NDUFS3: variants seen among roughly 807,000 people sequenced by gnomAD.
NDUFS3 encodes NADH dehydrogenase [ubiquinone] iron-sulfur protein 3, mitochondrial.
NDUFS3 carries 19 observed loss-of-function variants against 30.8 expected under a neutral mutation model. That is an observed-to-expected ratio of 0.62 (90% CI 0.43 to 0.91). The LOEUF (loss-of-function observed/expected upper bound fraction) is 0.91, where lower values mean the gene tolerates loss of function less well. NDUFS3 is among the 40% of genes least tolerant of loss of function. The probability of loss-of-function intolerance (pLI) is 0.00; values close to 1 mark genes in which losing one functional copy is unlikely to be tolerated. For synonymous variants in NDUFS3, 153 were observed against 135.8 expected (o/e 1.13, Z -0.88); for missense variants, 331 against 342.0 (o/e 0.97, Z 0.25).
rs1358840350 is a variant in NDUFS3, at chr11:47,584,559, C to T, written c.*78C>T. On this transcript the variant is annotated 3_prime_UTR_variant, in exon 7 of 7. Coordinates refer to ENST00000263774, the MANE Select transcript of NDUFS3 (RefSeq NM_004551.3). ...CCGTGTAAATAAATTCCTACTTAGA[C>T]TTACCACTTTGTGTGTGCTTGTAAT... The T allele has an allele frequency of 3.8e-6, 6 of 1,561,378 alleles. No homozygotes were observed. The East Asian group carries it at 6.7e-5, about 17-fold the overall frequency.
At position 47,579,270 on chromosome 11, in the gene NDUFS3, G is replaced by C; in HGVS notation, c.69G>C (p.Gly23=). ...TGTGCCTTTTATCTCCCTGTGCAGG[G>C]ACTGGGCGACCCTCCGTTCTGTTGC... ...GILGASALTR[G]TGRPSVLLLP... Residue 23 remains glycine (G), a splice_region_variant and synonymous_variant, in exon 2 of 7, where the codon GGG becomes GGC. Coordinates refer to ENST00000263774, the MANE Select transcript of NDUFS3 (RefSeq NM_004551.3). 8 of 1,614,196 alleles carry C rather than the reference G, an allele frequency of 5.0e-6. No individual in the cohort carries two copies. Among genetic ancestry groups the C allele is most frequent in the Non-Finnish European group, 6.8e-6 (8 of 1,180,034 alleles).
intron 6 of NDUFS3, among the ~76,000 whole-genome samples, chr11:47,583,274 T>G (rs2097269639): frequency 6.6e-6 from 1 of 152,080 alleles, no homozygotes; most frequent in Non-Finnish European, 1.5e-5. Flanking sequence ...TGGTCTCGAA[T>G]TCCTGGGCTC....
chr11:47,584,463 G>A lies in NDUFS3; in HGVS notation c.777G>A (p.Lys259=). The change falls in exon 7 of 7, where the codon AAG becomes AAA. Residue 259 remains lysine (K), a synonymous_variant. Transcript: ENST00000263774. ...PESLKLEAGD[K]KPDAK is the part of the protein sequence containing the mutation. ...GTCTCAAGCTTGAAGCCGGAGACAA[G>A]AAGCCTGATGCCAAGTAGCTCCAGG... 6.2e-7 allele frequency: 1 copy of A among 1,614,146 alleles called. No individual in the cohort carries two copies. Among genetic ancestry groups the A allele is most frequent in the Non-Finnish European group, 8.5e-7 (1 of 1,180,030 alleles).
rs552272856 is a variant in NDUFS3 at position 47,582,562 on chromosome 11, T to C, written c.627+94T>C. On this transcript the variant is annotated intron_variant, in intron 6 of 6. Coordinates refer to ENST00000263774, the MANE Select transcript of NDUFS3 (RefSeq NM_004551.3). The stretch of plus-strand genomic sequence containing the variant: ...AATGGCAAGAAATACGGTCTGTGGA[T>C]TGTGGTGGTTTAAGAGCATGGGCCC... 75 of 1,592,574 alleles carry C rather than the reference T, an allele frequency of 4.7e-5. No individual in the cohort carries two copies. The Middle Eastern group carries it at 6.4e-4, about 14-fold the overall frequency.
chr11:47,582,410 A>G lies in NDUFS3; in HGVS notation c.569A>G (p.Asp190Gly), dbSNP rs2097269208. 6.2e-7 allele frequency: 1 copy of G among 1,614,070 alleles called. No homozygotes were observed. The highest frequency in any genetic ancestry group is 1.3e-5 in the African/African-American group (1 of 74,932). The change falls in exon 6 of 7, where the codon GAT (aspartate) becomes GGT (glycine). Residue 190 changes from aspartate (D) to glycine (G), a missense_variant. Transcript: ENST00000263774. ...CCTGATCTAAGAAGGATCCTGACAG[A>G]TTATGGCTTCGAGGGACATCCTTTC... ...NHPDLRRILT[D>G]YGFEGHPFRK...
rs1245746547 is a variant in NDUFS3, at chr11:47,582,384, C to G, written c.543C>G (p.His181Gln). 11 of 1,614,172 alleles carry G rather than the reference C, an allele frequency of 6.8e-6. No homozygotes were observed. The highest frequency in any genetic ancestry group is 9.3e-6 in the Non-Finnish European group (11 of 1,180,032). The change falls in exon 6 of 7, where the codon CAC (histidine) becomes CAG (glutamine). Residue 181 changes from histidine to glutamine, a missense_variant. By Grantham distance (24) the His-to-Gln change is conservative (BLOSUM62 0). Coordinates refer to ENST00000263774, the MANE Select transcript of NDUFS3 (RefSeq NM_004551.3). ...TGTTTGGAGTCTTCTTTGCTAACCA[C>G]CCTGATCTAAGAAGGATCCTGACAG... ...WDMFGVFFAN[H>Q]PDLRRILTDY...
chr11:47,584,238 C>T, intron 6 of NDUFS3, 76 bp from the exon 7 acceptor site: 2 of 1,597,396 alleles, frequency 1.3e-6, no homozygotes, highest in East Asian at 4.5e-5. Context: ...TCACCAATAG[C>T]CTTGTGAAAA....
At chr11:47,580,445 C>A in intron 2 of NDUFS3, 80 bp from the exon 3 acceptor site, 1 of 1,317,748 alleles carries the variant, frequency 7.6e-7, no homozygotes, top group Middle Eastern at 2.0e-4. Flanking sequence ...ATTTGACATC[C>A]CTTACAAGCC....
chr11:47,584,343 G>A lies in NDUFS3; in HGVS notation c.657G>A (p.Val219=), dbSNP rs377323760. Residue 219 remains valine (V), a synonymous_variant, in exon 7 of 7, where the codon GTG becomes GTA. Coordinates refer to ENST00000263774, the MANE Select transcript of NDUFS3 (RefSeq NM_004551.3). ...GTTATGATGATGAAGTGAAGCGGGT[G>A]GTGGCAGAGCCGGTGGAGTTGGCCC... The part of the protein sequence containing the change: ...ELRYDDEVKR[V]VAEPVELAQE... 1.3e-4 allele frequency: 202 copies of A among 1,614,166 alleles called. 2 individuals are homozygous for A. In the South Asian group the frequency reaches 1.8e-3, roughly 14 times the overall value.
Position 47,581,965 on chromosome 11 carries a change from T to C in NDUFS3, c.382-123T>C, listed in dbSNP as rs2097268997. 5.3e-6 allele frequency: 7 copies of C among 1,321,786 alleles called. No homozygotes were observed. In the South Asian group the frequency reaches 5.9e-5, roughly 11 times the overall value. 81.9% of individuals were successfully genotyped at this position (1,321,786 alleles called of 1,614,324 possible). A position where few individuals can be genotyped will look rare whatever the true frequency, so the allele number is the denominator to read the frequency against. On this transcript the variant is annotated intron_variant, in intron 4 of 6. Transcript: ENST00000263774. ...CAGCTGTGGCCTGGGCCTTTGGAAG[T>C]AGTTGTAAGCATAGGAGAATCTTGA...
rs1344838944 is a variant in NDUFS3 at position 47,584,389 on chromosome 11, C to A, written c.703C>A (p.Leu235Met). 1 of 1,614,056 alleles carries A rather than the reference C, an allele frequency of 6.2e-7. No individual in the cohort carries two copies. The highest frequency in any genetic ancestry group is 1.3e-5 in the African/African-American group (1 of 74,910). Residue 235 changes from leucine to methionine, a missense_variant, in exon 7 of 7, where the codon CTG becomes ATG. By Grantham distance (15) the Leu-to-Met change is conservative. Coordinates refer to ENST00000263774, the MANE Select transcript of NDUFS3 (RefSeq NM_004551.3). ...GGCCCAAGAGTTCCGCAAATTTGAC[C>A]TGAACAGCCCCTGGGAGGCTTTCCC... ...ELAQEFRKFDLNSPWEAFPVY... is the reference protein window; with the variant it reads ...ELAQEFRKFDMNSPWEAFPVY...
chr11:47,580,598 GC>G lies in NDUFS3; in HGVS notation c.210del (p.Lys71SerfsTer14). 6.2e-7 allele frequency: 1 copy of G among 1,614,154 alleles called. No individual in the cohort carries two copies. The highest frequency in any genetic ancestry group is 8.5e-7 in the Non-Finnish European group (1 of 1,180,034). On this transcript the variant is annotated frameshift_variant, in exon 3 of 7. Coordinates refer to ENST00000263774, the MANE Select transcript of NDUFS3 (RefSeq NM_004551.3). LOFTEE classifies it high-confidence loss of function. ...AFGEYVAEIL[P>X]KYVQQVQVSC... ...TTGGAGAGTATGTGGCTGAAATCTT[GC>G]CCAAGTATGTCCAACAAGTTCAGGT...
At chr11:47,582,323 G>A (rs1598805881) in intron 5 of NDUFS3, 26 bp from the exon 6 acceptor site, 1 of 1,614,222 alleles carries the variant, frequency 6.2e-7, no homozygotes, top group Admixed American at 1.7e-5. Flanking sequence ...TGATGGATTG[G>A]CTGTTTGAGG....
chr11:47,579,498 T>G (rs569459207), intron 2 of NDUFS3, 164 bp downstream of exon 2: 60 of 792,280 alleles, frequency 7.6e-5, no homozygotes, highest in Non-Finnish European at 1.2e-4. Context: ...CCCTGTGCCC[T>G]TAGGCCTGTT....
intron 4 of NDUFS3, 128 bp from the exon 5 acceptor site, chr11:47,581,960 G>T: frequency 7.8e-7 from 1 of 1,284,760 alleles, no homozygotes; most frequent in Non-Finnish European, 1.1e-6. Context: ...CTGGGCCTTT[G>T]GAAGTAGTTG....
At chr11:47,579,188 GT>G (rs1463875305) in intron 1 of NDUFS3, 30 bp downstream of exon 1, 4 of 1,613,362 alleles carry the variant, frequency 2.5e-6, no homozygotes, top group Non-Finnish European at 3.4e-6. Context: ...TGAGACCGGG[GT>G]CAGGCGCAGC....
At chr11:47,581,689 CTA>C (rs1306897623) in intron 4 of NDUFS3, 1 of 319,172 alleles carries the variant, frequency 3.1e-6, no homozygotes, top group Non-Finnish European at 6.1e-6. Flanking sequence ...CCCCTACACT[CTA>C]GTGAAGGAGA....
chr11:47,583,748 C>G (rs532145391), intron 6 of NDUFS3, among the ~76,000 whole-genome samples: 2 of 152,308 alleles, frequency 1.3e-5, no homozygotes, highest in South Asian at 4.1e-4. Flanking sequence ...CTATCTCCCT[C>G]GCTTCTCCCT....
intron 6 of NDUFS3, among the ~76,000 whole-genome samples, chr11:47,583,577 G>T (rs1275182330): frequency 6.6e-6 from 1 of 152,224 alleles, no homozygotes; most frequent in Non-Finnish European, 1.5e-5. Context: ...TTTGCAGGAA[G>T]ATAGTGTGTA....
Sources: gnomAD v4.1 joint callset for allele counts (sites outside exome capture counted in the v4.1 genomes callset) on GRCh38, gnomAD v4.1.1 for gene constraint, MANE v1.5 for transcripts, NCBI Gene and HGNC (gene_info 2026-07-23, HGNC 2026-07-21) for gene names.